COL4A1: variants seen among roughly 807,000 people sequenced by gnomAD.
The protein encoded by COL4A1 is collagen alpha-1(IV) chain.
A neutral mutation model predicts 216.6 loss-of-function variants in COL4A1; 40 were observed. That is an observed-to-expected ratio of 0.18 (90% confidence interval 0.14 to 0.24). The LOEUF is 0.24. Among genes scored for constraint, COL4A1 ranks in the 10% least tolerant of loss-of-function variants. The probability of loss-of-function intolerance (pLI) is 1.00; values close to 1 mark genes in which losing one functional copy is unlikely to be tolerated. For missense variants in COL4A1, 1,628 were observed against 2,196.8 expected (o/e 0.74, Z 5.18); for synonymous variants, 839 against 810.7 (o/e 1.03, Z -0.59).
chr13:110,165,654 C>T (rs1167681452), intron 45 of COL4A1, among the ~76,000 whole-genome samples: 1 of 150,474 alleles, frequency 6.6e-6, no homozygotes, highest in East Asian at 2.0e-4. Context: ...CATGTGGTTT[C>T]TCATTCTCTC....
chr13:110,219,777 TATGC>T (rs1880321905), intron 2 of COL4A1, among the ~76,000 whole-genome samples: 1 of 144,618 alleles, frequency 6.9e-6, no homozygotes, highest in African/African-American at 2.5e-5. Context: ...TATGTATATA[TATGC>T]GTATATATGT....
At chr13:110,297,210 T>A (rs1295456784) in intron 1 of COL4A1, among the ~76,000 whole-genome samples, 2 of 152,192 alleles carry the variant, frequency 1.3e-5, no homozygotes, top group Non-Finnish European at 2.9e-5. Flanking sequence ...CCAGCCTAAC[T>A]CTGAAGCTGC....
chr13:110,218,542 G>T (rs1005499309), intron 2 of COL4A1, among the ~76,000 whole-genome samples: 2 of 152,184 alleles, frequency 1.3e-5, no homozygotes, highest in African/African-American at 2.4e-5. Context: ...TTCATTCATG[G>T]TGTTTGAATT....
chr13:110,263,418 T>C (rs1451517333), intron 1 of COL4A1, among the ~76,000 whole-genome samples: 3 of 152,222 alleles, frequency 2.0e-5, no homozygotes, highest in Non-Finnish European at 4.4e-5. Context: ...CTTTGAAAGA[T>C]GCATTAAAAT....
intron 2 of COL4A1, among the ~76,000 whole-genome samples, chr13:110,242,020 A>G (rs1201415574): frequency 6.6e-6 from 1 of 152,226 alleles, no homozygotes; most frequent in Non-Finnish European, 1.5e-5. Flanking sequence ...ACCCACAGAC[A>G]GTACCAGGAT....
intron 1 of COL4A1, among the ~76,000 whole-genome samples, chr13:110,284,089 G>A (rs554858406): frequency 2.6e-5 from 4 of 152,332 alleles, no homozygotes; most frequent in South Asian, 2.1e-4. Context: ...CCCACAGAGC[G>A]TGCACCTGGA....
intron 1 of COL4A1, among the ~76,000 whole-genome samples, chr13:110,290,154 T>A (rs1884028473): frequency 6.6e-6 from 1 of 152,202 alleles, no homozygotes; most frequent in South Asian, 2.1e-4. Context: ...GGTTTTGTCA[T>A]CTTTTCCTCT....
intron 49 of COL4A1, among the ~76,000 whole-genome samples, chr13:110,157,330 G>A (rs1159365603): frequency 4.6e-5 from 7 of 152,278 alleles, no homozygotes; most frequent in South Asian, 4.1e-4. Context: ...CCCTACTATC[G>A]GATGAAAGCT....
chr13:110,267,855 T>C (rs937607365), intron 1 of COL4A1, among the ~76,000 whole-genome samples: 1 of 152,122 alleles, frequency 6.6e-6, no homozygotes, highest in Non-Finnish European at 1.5e-5. Flanking sequence ...GTAATTATTA[T>C]TATATGTATA....
Position 110,211,870 on chromosome 13 carries a change from G to A in COL4A1, c.440C>T (p.Pro147Leu), listed in dbSNP as rs1427241377. 1.2e-6 allele frequency: 2 copies of A among 1,613,928 alleles called. No homozygotes were observed. Among genetic ancestry groups the A allele is most frequent in the Admixed American group, 1.7e-5 (1 of 59,990 alleles). The change falls in exon 7 of 52, where the codon CCC becomes CTC. Residue 147 changes from proline (P) to leucine (L), a missense_variant and splice_region_variant. By Grantham distance (98) the Pro-to-Leu change is moderately conservative. This residue lies in a region of COL4A1 where 150 missense variants were observed against 211.9 expected (regional missense o/e 0.71). Transcript: ENST00000375820. The surrounding 1 kb of genome is among the most constrained non-coding windows in gnomAD (Gnocchi z 4.3). ...CTGCCCTAAATAACCTCTACTCACGGGATTTCCAGCGAAACCAGGCAAGCC... is the reference window on the plus strand; with the variant it reads ...CTGCCCTAAATAACCTCTACTCACGAGATTTCCAGCGAAACCAGGCAAGCC... The part of the protein sequence containing the change: ...PPGLPGFAGN[P>L]GPPGLPGMKG...
Position 110,150,295 on chromosome 13 carries a change from G to A in COL4A1, c.*68C>T. The stretch of plus-strand genomic sequence containing the variant: ...GAGGTACACAGGATATATTTCTAGG[G>A]TTCGTTGCTGTTAACAAAAAGAAGA... On this transcript the variant is annotated 3_prime_UTR_variant, in exon 52 of 52. Transcript: ENST00000375820. 7.1e-7 allele frequency: 1 copy of A among 1,411,308 alleles called. No homozygotes were observed. The highest frequency in any genetic ancestry group is 9.9e-7 in the Non-Finnish European group (1 of 1,014,018). 87.4% of individuals were successfully genotyped at this position (1,411,308 alleles called of 1,614,324 possible). A position where few individuals can be genotyped will look rare whatever the true frequency, so the allele number is the denominator to read the frequency against.
At chr13:110,285,387 T>C (rs1270617393) in intron 1 of COL4A1, among the ~76,000 whole-genome samples, 1 of 152,214 alleles carries the variant, frequency 6.6e-6, no homozygotes. Flanking sequence ...GGCTCTGCCT[T>C]TGTACCTTAC....
rs749672711 is a variant in COL4A1 at position 110,167,129 on chromosome 13, G to C, written c.3949+29C>G. 3.2e-6 allele frequency: 5 copies of C among 1,579,902 alleles called. No individual in the cohort carries two copies. In the South Asian group the frequency reaches 5.5e-5, roughly 17 times the overall value. ...TCACACAGCGTCTGCTGCTGCAAAG[G>C]CTGTGCAGCAAGGTCTGTGCTGTCT... On this transcript the variant is annotated intron_variant, in intron 44 of 51. Coordinates refer to ENST00000375820, the MANE Select transcript of COL4A1 (RefSeq NM_001845.6).
intron 17 of COL4A1, among the ~76,000 whole-genome samples, chr13:110,203,817 A>C (rs1452575008): frequency 6.6e-6 from 1 of 152,212 alleles, no homozygotes; most frequent in East Asian, 1.9e-4. Context: ...CATGAAAATA[A>C]AGATCTCTGC....
chr13:110,221,338 T>C (rs568796646), intron 2 of COL4A1, among the ~76,000 whole-genome samples: 15 of 152,260 alleles, frequency 9.9e-5, no homozygotes, highest in African/African-American at 3.4e-4. Flanking sequence ...AAGAAAAAAA[T>C]GAATTAAAAA....
Position 110,160,213 on chromosome 13 carries a change from C to T in COL4A1, c.4640+979G>A, listed in dbSNP as rs539224238. On this transcript the variant is annotated intron_variant, in intron 49 of 51. Coordinates refer to ENST00000375820, the MANE Select transcript of COL4A1 (RefSeq NM_001845.6). Reference sequence around the variant, plus strand: ...ATCCCAGCACTTTGGGAGGCCGAGGCGGGTGGATCATGAGGTCAGGAGATC... The same window carrying T: ...ATCCCAGCACTTTGGGAGGCCGAGGTGGGTGGATCATGAGGTCAGGAGATC... Among the ~76,000 whole-genome samples, 21 of 119,422 alleles carry T rather than the reference C, an allele frequency of 1.8e-4. 3 individuals are homozygous for T. The East Asian group carries it at 7.2e-3, about 41-fold the overall frequency. 78.3% of individuals were successfully genotyped at this position (119,422 alleles called of 152,430 possible). A position where few individuals can be genotyped will look rare whatever the true frequency, so the allele number is the denominator to read the frequency against.
intron 12 of COL4A1, 125 bp downstream of exon 12, chr13:110,208,724 T>C: frequency 6.5e-6 from 6 of 925,142 alleles, no homozygotes; most frequent in Middle Eastern, 2.1e-4. Flanking sequence ...AACTACCAAA[T>C]GCAAGAACAT....
At chr13:110,242,786 G>C in intron 1 of COL4A1, 52 bp from the exon 2 acceptor site, 1 of 1,587,408 alleles carries the variant, frequency 6.3e-7, no homozygotes, top group Non-Finnish European at 8.6e-7. Flanking sequence ...CAAAGCGAGG[G>C]CACTATGCAA....
intron 1 of COL4A1, among the ~76,000 whole-genome samples, chr13:110,258,882 G>A (rs1383830614): frequency 6.6e-6 from 1 of 152,144 alleles, no homozygotes; most frequent in Non-Finnish European, 1.5e-5. Context: ...GTCTTTCATT[G>A]CATTTCATAG....
Sources: allele counts gnomAD v4.1 joint callset (sites outside exome capture counted in the v4.1 genomes callset), GRCh38; gene constraint gnomAD v4.1.1; regional missense constraint gnomAD v4.1.1; non-coding constraint Gnocchi (gnomAD v3.1); transcripts MANE v1.5; gene names NCBI Gene and HGNC (gene_info 2026-07-23, HGNC 2026-07-21).